Variants in LRFN5 observed in about 807,000 individuals in gnomAD.
The protein encoded by LRFN5 is leucine-rich repeat and fibronectin type-III domain-containing protein 5.
A neutral mutation model predicts 45.6 loss-of-function variants in LRFN5; 24 were observed. That is an observed-to-expected ratio of 0.53 (90% CI 0.38 to 0.74). LRFN5 has a LOEUF of 0.74. Ranked by LOEUF, LRFN5 falls within the 30% of genes least tolerant of loss-of-function variation. LRFN5 has a pLI of 0.00. For synonymous variants in LRFN5, 340 were observed against 313.8 expected (o/e 1.08, Z -0.88); for missense variants, 776 against 861.5 (o/e 0.90, Z 1.24).
At chr14:41,674,423 A>T (rs1594604524) in intron 1 of LRFN5, among the ~76,000 whole-genome samples, 1 of 88,518 alleles carries the variant, frequency 1.1e-5, no homozygotes, top group South Asian at 4.5e-4. Flanking sequence ...GGCCGGGCAG[A>T]GGAGCTCCTC....
At chr14:41,711,548 T>C (rs1883286210) in intron 1 of LRFN5, among the ~76,000 whole-genome samples, 1 of 152,212 alleles carries the variant, frequency 6.6e-6, no homozygotes, top group Non-Finnish European at 1.5e-5. Context: ...TCATGTAGAA[T>C]AGATTTGGGA....
At chr14:41,646,025 G>T (rs1374443959) in intron 1 of LRFN5, among the ~76,000 whole-genome samples, 5 of 152,124 alleles carry the variant, frequency 3.3e-5, no homozygotes, top group Admixed American at 2.6e-4. Flanking sequence ...TATTTGGGGA[G>T]TATACAGTGG....
intron 2 of LRFN5, among the ~76,000 whole-genome samples, chr14:41,861,187 C>T (rs961017425): frequency 1.3e-5 from 2 of 152,156 alleles, no homozygotes; most frequent in African/African-American, 4.8e-5. Context: ...ACTGTAAAAA[C>T]ACCCTATTTT....
chr14:41,635,130 C>A (rs561674124), intron 1 of LRFN5, among the ~76,000 whole-genome samples: 1 of 151,896 alleles, frequency 6.6e-6, no homozygotes, highest in Non-Finnish European at 1.5e-5. Flanking sequence ...AATTTTAGAA[C>A]TTAGAGAAAC....
At chr14:41,783,445 C>T (rs531616179) in intron 2 of LRFN5, among the ~76,000 whole-genome samples, 6 of 152,054 alleles carry the variant, frequency 3.9e-5, no homozygotes, top group Non-Finnish European at 7.4e-5. Flanking sequence ...CATGAAAAGT[C>T]ACTGATATTT....
At chr14:41,702,171 C>T (rs1882865777) in intron 1 of LRFN5, among the ~76,000 whole-genome samples, 1 of 152,076 alleles carries the variant, frequency 6.6e-6, no homozygotes, top group Non-Finnish European at 1.5e-5. Context: ...TAGCATGACT[C>T]CATCTGTAAG....
At chr14:41,712,909 T>G (rs746076937) in intron 1 of LRFN5, among the ~76,000 whole-genome samples, 1 of 151,862 alleles carries the variant, frequency 6.6e-6, no homozygotes, top group African/African-American at 2.4e-5. Context: ...TACATTTTAC[T>G]CCACAAATAT....
intron 2 of LRFN5, among the ~76,000 whole-genome samples, chr14:41,827,750 A>G (rs1417202896): frequency 1.3e-5 from 2 of 152,018 alleles, no homozygotes; most frequent in Non-Finnish European, 2.9e-5. Context: ...ATTTAGAACC[A>G]TTTGTTTTAA....
intron 2 of LRFN5, among the ~76,000 whole-genome samples, chr14:41,781,556 AAG>A (rs1277026937): frequency 5.9e-5 from 6 of 100,934 alleles, no homozygotes; most frequent in South Asian, 7.6e-4. Context: ...GGAGAAAAGA[AAG>A]AGAAAGAAAG....
intron 2 of LRFN5, 130 bp downstream of exon 2, chr14:41,767,159 T>G (rs1885914767): frequency 6.6e-6 from 1 of 152,298 alleles, no homozygotes; most frequent in Non-Finnish European, 1.5e-5. Context: ...CCTTGTTTTT[T>G]GTTGTTGTTG....
intron 2 of LRFN5, among the ~76,000 whole-genome samples, chr14:41,850,348 TAAATC>T (rs1320368341): frequency 1.3e-5 from 2 of 151,936 alleles, no homozygotes; most frequent in East Asian, 3.9e-4. Flanking sequence ...GTAGAGAAGT[TAAATC>T]CAGTCACATA....
intron 1 of LRFN5, among the ~76,000 whole-genome samples, chr14:41,735,872 T>C (rs1884408543): frequency 6.6e-6 from 1 of 152,150 alleles, no homozygotes. Context: ...TTTCTGTTCC[T>C]GTGTTAGTTT....
chr14:41,667,101 C>T (rs1241876562), intron 1 of LRFN5, among the ~76,000 whole-genome samples: 1 of 152,052 alleles, frequency 6.6e-6, no homozygotes, highest in Non-Finnish European at 1.5e-5. Flanking sequence ...CGTAATAGTT[C>T]ATACTTTTGG....
chr14:41,725,482 A>G (rs970383368), intron 1 of LRFN5, among the ~76,000 whole-genome samples: 1 of 152,212 alleles, frequency 6.6e-6, no homozygotes, highest in Non-Finnish European at 1.5e-5. Flanking sequence ...GCTATTGTCC[A>G]CTGCCTGACA....
At chr14:41,749,307 G>A (rs1251506266) in intron 1 of LRFN5, among the ~76,000 whole-genome samples, 2 of 152,106 alleles carry the variant, frequency 1.3e-5, no homozygotes, top group Non-Finnish European at 2.9e-5. Context: ...TAAAGCTATT[G>A]TATTAATGCA....
intron 2 of LRFN5, among the ~76,000 whole-genome samples, chr14:41,799,069 T>A (rs1448112056): frequency 2.0e-5 from 3 of 152,000 alleles, no homozygotes; most frequent in Non-Finnish European, 4.4e-5. Context: ...AAAACTTAGT[T>A]GTATGTCCAA....
chr14:41,704,459 T>TGTGTGTGTGTGTGTGG (rs1882979830), intron 1 of LRFN5, among the ~76,000 whole-genome samples: 1 of 150,468 alleles, frequency 6.6e-6, no homozygotes, highest in Non-Finnish European at 1.5e-5. Context: ...TGTGTGTGTG[T>TGTGTGTGTGTGTGTGG]GTCTGTGAGA....
chr14:41,675,864 A>G lies in LRFN5; in HGVS notation c.-197+67302A>G, dbSNP rs187946819. The stretch of plus-strand genomic sequence containing the variant: ...AATGATAATCACCTAAAGCCTGTGA[A>G]AATTACCTAAAGGGCATTCAGCAAA... On this transcript the variant is annotated intron_variant, in intron 1 of 5. Transcript: ENST00000298119. 5.3e-4 allele frequency among the ~76,000 whole-genome samples: 81 copies of G among 152,312 alleles called. No individual in the cohort carries two copies. In the East Asian group the frequency reaches 0.014, roughly 27 times the overall value.
Position 41,789,576 on chromosome 14 carries a change from C to G in LRFN5, c.-21+22547C>G, listed in dbSNP as rs1179677956. Among the ~76,000 whole-genome samples the G allele has an allele frequency of 2.6e-5, 4 of 151,918 alleles. No individual in the cohort carries two copies. In the East Asian group the frequency reaches 7.7e-4, roughly 29 times the overall value. ...CAAGATTCTGGTATTTCTACAAAGG[C>G]TACTCTACCTGGAAAGTCCCAAACT... On this transcript the variant is annotated intron_variant, in intron 2 of 5. Transcript: ENST00000298119.
Sources: allele counts gnomAD v4.1 joint callset (sites outside exome capture counted in the v4.1 genomes callset), GRCh38; gene constraint gnomAD v4.1.1; transcripts MANE v1.5; gene names NCBI Gene and HGNC (gene_info 2026-07-23, HGNC 2026-07-21).